PPM1K: variants seen among roughly 807,000 people sequenced by gnomAD.
PPM1K encodes the protein protein phosphatase Mn(2+)-dependent 1K.
Under a neutral mutation model 32.6 loss-of-function variants are expected in PPM1K, and 19 were observed. The ratio of observed to expected loss-of-function variants is 0.58; its 90% confidence interval spans 0.41 to 0.86. PPM1K has a LOEUF of 0.86. PPM1K is among the 40% of genes least tolerant of loss of function. PPM1K has a pLI of 0.00. For synonymous variants in PPM1K, 159 were observed against 165.3 expected, an observed-to-expected ratio of 0.96 and a Z score of 0.29; for missense variants, 362 against 461.2, an observed-to-expected ratio of 0.78 and a Z score of 1.97.
chr4:88,267,507 C>G (rs917427132), intron 5 of PPM1K, among the ~76,000 whole-genome samples: 1 of 152,214 alleles, frequency 6.6e-6, no homozygotes, highest in Non-Finnish European at 1.5e-5. Context: ...GAAACAAAAA[C>G]CTAACACTTC....
intron 1 of PPM1K, 92 bp downstream of exon 1, chr4:88,284,314 C>T (rs1732153100): frequency 6.6e-6 from 1 of 152,320 alleles, no homozygotes; most frequent in East Asian, 1.9e-4. Context: ...CCGGGAAACC[C>T]TTCTCCGTTT....
Position 88,278,074 on chromosome 4 carries a change from G to T in PPM1K, c.440+70C>A. 2 of 1,354,678 alleles carry T rather than the reference G, an allele frequency of 1.5e-6. No homozygotes were observed. The highest frequency in any genetic ancestry group is 2.0e-6 in the Non-Finnish European group (2 of 976,928). The allele number at this position is 1,354,678 out of a possible 1,614,324, so 83.9% of individuals were successfully genotyped here. On this transcript the variant is annotated intron_variant, in intron 2 of 6. Transcript: ENST00000608933. This position sits in a 1 kb window ranked among gnomAD's most constrained non-coding sequence, Gnocchi z 4.2. Reference sequence around the variant, plus strand: ...AACTATGTTTACGCTGGAAGCCTCAGCCAAAGGGTGAAAGTTTAAGTAGGA... The same window carrying T: ...AACTATGTTTACGCTGGAAGCCTCATCCAAAGGGTGAAAGTTTAAGTAGGA...
intron 1 of PPM1K, among the ~76,000 whole-genome samples, chr4:88,280,105 A>G (rs1384430561): frequency 6.6e-6 from 1 of 152,160 alleles, no homozygotes. Context: ...TTAGGTGTTT[A>G]TTTGTTTTAA....
Position 88,259,525 on chromosome 4 carries a change from T to A in PPM1K, c.*3070A>T, listed in dbSNP as rs1731043713. 6.6e-6 allele frequency: 1 copy of A among 152,160 alleles called. No homozygotes were observed. The allele number at this position is 152,160 out of a possible 1,614,324, so 9.4% of individuals were successfully genotyped here. Reference sequence around the variant, plus strand: ...TACTACATTAATGTAATTTACACTATGCCTATACCCACATGGCAAATTCAG... The same window carrying A: ...TACTACATTAATGTAATTTACACTAAGCCTATACCCACATGGCAAATTCAG... On this transcript the variant is annotated 3_prime_UTR_variant, in exon 7 of 7. Transcript: ENST00000608933.
chr4:88,265,245 T>A (rs1420826265), intron 5 of PPM1K, 110 bp from the exon 6 acceptor site: 1 of 1,259,824 alleles, frequency 7.9e-7, no homozygotes, highest in East Asian at 2.3e-5. Flanking sequence ...GTGTAACAGC[T>A]TGTAAGCTGA....
chr4:88,265,224 A>C, intron 5 of PPM1K, 89 bp from the exon 6 acceptor site: 1 of 1,499,510 alleles, frequency 6.7e-7, no homozygotes, highest in East Asian at 2.3e-5. Context: ...TGTTTTGCTA[A>C]GCGGTCATCT....
rs746316294 is a variant in PPM1K at position 88,262,634 on chromosome 4, T to C, written c.1080A>G (p.Ser360=). 4.3e-6 allele frequency: 7 copies of C among 1,613,854 alleles called. No individual in the cohort carries two copies. Among genetic ancestry groups the C allele is most frequent in the Non-Finnish European group, 5.9e-6 (7 of 1,179,898 alleles). The change falls in exon 7 of 7, where the codon TCA becomes TCG. Residue 360 remains serine (S), a synonymous_variant. Coordinates refer to ENST00000608933, the MANE Select transcript of PPM1K (RefSeq NM_152542.5). The part of the protein sequence containing the change: ...GKYKNSEINF[S]FSRSFASSGR... ...CACTGGAGGCAAAGCTTCTGCTGAA[T>C]GAGAAGTTGATTTCAGAGTTCTTAT...
Position 88,278,750 on chromosome 4 carries a change from GAT to G in PPM1K, c.-59-110_-59-109del. The G allele has an allele frequency of 1.7e-6, 1 of 587,430 alleles. No individual in the cohort carries two copies. The highest frequency in any genetic ancestry group is 1.9e-5 in the African/African-American group (1 of 53,790). The allele number at this position is 587,430 out of a possible 1,614,324, so 36.4% of individuals were successfully genotyped here. ...ACCATCAGAAATTTTGAATATAACT[GAT>G]ATGTCATCAAATATTACCAAAAATG... On this transcript the variant is annotated intron_variant, in intron 1 of 6. Transcript: ENST00000608933. The surrounding 1 kb of genome is among the most constrained non-coding windows in gnomAD (Gnocchi z 4.2).
intron 3 of PPM1K, among the ~76,000 whole-genome samples, chr4:88,272,796 T>C (rs552451229): frequency 6.6e-6 from 1 of 152,344 alleles, no homozygotes; most frequent in East Asian, 1.9e-4. Context: ...AAGTGGCATT[T>C]TGATTTTATT....
intron 3 of PPM1K, among the ~76,000 whole-genome samples, chr4:88,269,238 G>A (rs572293650): frequency 6.6e-6 from 1 of 152,298 alleles, no homozygotes; most frequent in South Asian, 2.1e-4. Flanking sequence ...GATATCTGGT[G>A]TCCAGACTGA....
intron 3 of PPM1K, among the ~76,000 whole-genome samples, chr4:88,272,438 T>G (rs888765724): frequency 3.3e-5 from 5 of 152,204 alleles, no homozygotes; most frequent in Non-Finnish European, 7.3e-5. Flanking sequence ...GTTCCATTTG[T>G]CCCTTTCGGA....
Position 88,278,632 on chromosome 4 carries a change from T to A in PPM1K, c.-49A>T, listed in dbSNP as rs371957561. The A allele has an allele frequency of 2.1e-6, 3 of 1,442,706 alleles. No homozygotes were observed. Among genetic ancestry groups the A allele is most frequent in the Non-Finnish European group, 2.8e-6 (3 of 1,059,406 alleles). The allele number at this position is 1,442,706 out of a possible 1,614,324, so 89.4% of individuals were successfully genotyped here. ...GATGAGGGAAAGGTCAATGGAACAA[T>A]AATGGAATGTCTTCAAGAAAAATGA... On this transcript the variant is annotated 5_prime_UTR_variant, in exon 2 of 7. Transcript: ENST00000608933. The surrounding 1 kb of genome is among the most constrained non-coding windows in gnomAD (Gnocchi z 4.2).
Position 88,262,599 on chromosome 4 carries a change from G to A in PPM1K, c.1115C>T (p.Ala372Val). ...SRSFASSGRW[A>V] ...ACTCTAAGTCCCAGCTGGTAATCAG[G>A]CCCATCGTCCACTGGAGGCAAAGCT... Residue 372 changes from alanine to valine, a missense_variant, in exon 7 of 7, where the codon GCC becomes GTC. Transcript: ENST00000608933. The A allele has an allele frequency of 6.2e-7, 1 of 1,613,780 alleles. No individual in the cohort carries two copies. Among genetic ancestry groups the A allele is most frequent in the Non-Finnish European group, 8.5e-7 (1 of 1,179,854 alleles).
intron 1 of PPM1K, among the ~76,000 whole-genome samples, chr4:88,280,285 C>T (rs1401060881): frequency 2.0e-5 from 3 of 152,140 alleles, no homozygotes; most frequent in Non-Finnish European, 4.4e-5. Flanking sequence ...ATGAGCTCTG[C>T]TGTCACAGAA....
rs114903728 is a variant in PPM1K, at chr4:88,262,780, A to G, written c.988-54T>C. On this transcript the variant is annotated intron_variant, in intron 6 of 6. Coordinates refer to ENST00000608933, the MANE Select transcript of PPM1K (RefSeq NM_152542.5). ...AAACATTGGAAATCACAGTCTATAC[A>G]AAGAGAAATCAGCCTTTCCTTCCCT... is the stretch of plus-strand genomic sequence containing the variant. 2,598 of 1,538,128 alleles carry G rather than the reference A, an allele frequency of 1.7e-3. 42 individuals are homozygous for G. In the African/African-American group the frequency reaches 0.031, roughly 18 times the overall value.
rs551803778 is a variant in PPM1K at position 88,276,883 on chromosome 4, T to C, written c.541+260A>G. On this transcript the variant is annotated intron_variant, in intron 3 of 6. Coordinates refer to ENST00000608933, the MANE Select transcript of PPM1K (RefSeq NM_152542.5). ...TTTTAAAATCTTTTAAAAACTAAAG[T>C]ACAACATCAGAACTGTTTCGGGGCT... is the stretch of plus-strand genomic sequence containing the variant. 4 of 909,910 alleles carry C rather than the reference T, an allele frequency of 4.4e-6. No homozygotes were observed. The South Asian group carries it at 1.5e-4, about 34-fold the overall frequency. 56.4% of individuals were successfully genotyped at this position (909,910 alleles called of 1,614,324 possible).
In PPM1K at chr4:88,284,443, G is replaced by C. The variant is rs1732158564; in HGVS notation, c.-97C>G. On this transcript the variant is annotated 5_prime_UTR_variant, in exon 1 of 7. Coordinates refer to ENST00000608933, the MANE Select transcript of PPM1K (RefSeq NM_152542.5). ...ACGTCCCTGAAAAATGTTTTAATTA[G>C]CTAACGGAGGACGGGGGAGGAGCTT... 1 of 152,324 alleles carries C rather than the reference G, an allele frequency of 6.6e-6. No individual in the cohort carries two copies. The highest frequency in any genetic ancestry group is 2.1e-4 in the South Asian group (1 of 4,826). 9.4% of individuals were successfully genotyped at this position (152,324 alleles called of 1,614,324 possible).
At chr4:88,277,522 G>A in intron 2 of PPM1K, 1 of 331,416 alleles carries the variant, frequency 3.0e-6, no homozygotes, top group East Asian at 5.7e-5. Context: ...CCTTCCCATT[G>A]TGAGTTCTTT....
At chr4:88,266,758 G>A (rs528247034) in intron 5 of PPM1K, among the ~76,000 whole-genome samples, 1 of 151,266 alleles carries the variant, frequency 6.6e-6, no homozygotes, top group East Asian at 2.0e-4. Context: ...CTGACTGGAT[G>A]CAAGTGATGC....
Sources: allele counts gnomAD v4.1 joint callset (sites outside exome capture counted in the v4.1 genomes callset), GRCh38; gene constraint gnomAD v4.1.1; non-coding constraint Gnocchi (gnomAD v3.1); transcripts MANE v1.5; gene names NCBI Gene and HGNC (gene_info 2026-07-23, HGNC 2026-07-21).